Variants in RNF130 observed in about 807,000 individuals in gnomAD.
RNF130 encodes ring finger protein 130, also known as E3 ubiquitin-protein ligase RNF130.
RNF130 carries 21 observed loss-of-function variants against 44.6 expected under a neutral mutation model. The ratio of observed to expected loss-of-function variants is 0.47; its 90% CI spans 0.33 to 0.68. RNF130 has a LOEUF of 0.68. Among genes scored for constraint, RNF130 ranks in the 30% least tolerant of loss-of-function variants. The pLI is 0.02. For missense variants in RNF130, 479 were observed against 560.6 expected, an observed-to-expected ratio of 0.85 and a Z score of 1.47; for synonymous variants, 214 against 210.4, an observed-to-expected ratio of 1.02 and a Z score of -0.15.
At chr5:179,952,936 C>T (rs1461697217), downstream of RNF130, among the ~76,000 whole-genome samples, 1 of 152,122 alleles carries the variant, frequency 6.6e-6, no homozygotes, top group African/African-American at 2.4e-5. Flanking sequence ...CACAACAACA[C>T]ATGGATGTCT....
intron 1 of RNF130, among the ~76,000 whole-genome samples, chr5:180,055,455 T>TGC (rs1554107248): frequency 0.02 from 2,883 of 146,748 alleles, 42 homozygotes; most frequent in African/African-American, 0.047. Context: ...TGTGTGTGCG[T>TGC]GTGTGTGTGT....
intron 7 of RNF130, among the ~76,000 whole-genome samples, chr5:179,950,037 A>T (rs1356659264): frequency 1.3e-5 from 2 of 152,212 alleles, no homozygotes; most frequent in African/African-American, 2.4e-5. Flanking sequence ...TCTGTGCTTG[A>T]GCAAACTCTA....
downstream of RNF130, among the ~76,000 whole-genome samples, chr5:179,954,351 T>A (rs192837070): frequency 6.6e-6 from 1 of 152,284 alleles, no homozygotes; most frequent in African/African-American, 2.4e-5. Flanking sequence ...CAAGCGTCCA[T>A]CAGCAGAACA....
chr5:180,030,779 G>C lies in RNF130; in HGVS notation c.442+9674C>G, dbSNP rs1026265808. Among the ~76,000 whole-genome samples, 4 of 152,278 alleles carry C rather than the reference G, an allele frequency of 2.6e-5. No individual in the cohort carries two copies. In the East Asian group the frequency reaches 7.7e-4, roughly 29 times the overall value. ...ACTTTCTTAGACATTTCATATAAAT[G>C]GAATCATATAATAGTAGCCTTTTGT... On this transcript the variant is annotated intron_variant, in intron 2 of 8. Transcript: ENST00000521389.
chr5:179,975,864 T>A (rs1762706498), intron 5 of RNF130, among the ~76,000 whole-genome samples: 1 of 152,180 alleles, frequency 6.6e-6, no homozygotes, highest in African/African-American at 2.4e-5. Context: ...CAGAAATGGT[T>A]CAGATCAACC....
intron 3 of RNF130, among the ~76,000 whole-genome samples, chr5:179,982,366 G>C (rs774293204): frequency 6.6e-5 from 10 of 151,780 alleles, no homozygotes; most frequent in Non-Finnish European, 1.3e-4. Context: ...TCAATTCTTT[G>C]CATGGACATA....
At chr5:180,021,105 T>A (rs1373065470) in intron 2 of RNF130, among the ~76,000 whole-genome samples, 2 of 151,958 alleles carry the variant, frequency 1.3e-5, no homozygotes, top group Admixed American at 1.3e-4. Context: ...AGCTGCAATG[T>A]CAGACACGTA....
rs1357325814 is a variant in RNF130 at position 180,055,258 on chromosome 5, AAAAAAAAAAAAAAAAAAAAAAAC to A, written c.248-14634_248-14612del. ...AGTGAGGTTCTGTCTCAAAAAAAAA[AAAAAAAAAAAAAAAAAAAAAAAC>A]AAAAAAAAACAGCAAACAAACAAAA... On this transcript the variant is annotated intron_variant, in intron 1 of 8. Transcript: ENST00000521389. Among the ~76,000 whole-genome samples the A allele has an allele frequency of 3.1e-3, 104 of 33,926 alleles. 2 individuals are homozygous for A. The highest frequency in any genetic ancestry group is 0.01 in the African/African-American group (91 of 8,930). 22.3% of individuals were successfully genotyped at this position (33,926 alleles called of 152,430 possible).
chr5:179,992,324 GTA>G (rs1425116295), intron 3 of RNF130, among the ~76,000 whole-genome samples: 2 of 152,012 alleles, frequency 1.3e-5, no homozygotes, highest in Middle Eastern at 3.2e-3. Context: ...TGTATTTTTA[GTA>G]GAGACGGGGT....
At chr5:180,053,861 A>C (rs1764742447) in intron 1 of RNF130, among the ~76,000 whole-genome samples, 1 of 147,656 alleles carries the variant, frequency 6.8e-6, no homozygotes, top group African/African-American at 2.5e-5. Context: ...ACAGAGTCTC[A>C]CTCTGTCGCC....
At chr5:180,052,187 C>T (rs1176022313) in intron 1 of RNF130, among the ~76,000 whole-genome samples, 2 of 152,246 alleles carry the variant, frequency 1.3e-5, no homozygotes, top group African/African-American at 4.8e-5. Flanking sequence ...CTGCCTTCGA[C>T]TACCACCTGT....
At chr5:179,966,735 C>T in intron 7 of RNF130, 71 bp downstream of exon 7, 2 of 1,404,220 alleles carry the variant, frequency 1.4e-6, no homozygotes, top group Middle Eastern at 3.6e-4. Flanking sequence ...AGTGCCTTGA[C>T]TCTCCTGATG....
At chr5:180,054,099 C>G (rs1212384649) in intron 1 of RNF130, among the ~76,000 whole-genome samples, 1 of 152,094 alleles carries the variant, frequency 6.6e-6, no homozygotes, top group Admixed American at 6.6e-5. Context: ...CAGGTGTGAG[C>G]CCCTGCGCCC....
At chr5:179,984,760 T>C (rs999979698) in intron 3 of RNF130, among the ~76,000 whole-genome samples, 1 of 152,192 alleles carries the variant, frequency 6.6e-6, no homozygotes, top group East Asian at 1.9e-4. Flanking sequence ...TACAATGAAA[T>C]TGGAGGTATT....
intron 3 of RNF130, among the ~76,000 whole-genome samples, chr5:179,983,786 C>A (rs1328531264): frequency 4.6e-5 from 7 of 152,186 alleles, no homozygotes; most frequent in Non-Finnish European, 1.0e-4. Flanking sequence ...TGTGTCTCTC[C>A]ACCTACTTAG....
chr5:179,981,270 G>A (rs1030505544), intron 3 of RNF130, among the ~76,000 whole-genome samples: 1 of 152,154 alleles, frequency 6.6e-6, no homozygotes, highest in Non-Finnish European at 1.5e-5. Flanking sequence ...CTGGGACAAG[G>A]GGCAAAAACC....
At chr5:180,070,738 C>T (rs1356522188) in intron 1 of RNF130, among the ~76,000 whole-genome samples, 1 of 152,190 alleles carries the variant, frequency 6.6e-6, no homozygotes, top group South Asian at 2.1e-4. Context: ...AAATAATCAA[C>T]TAAACAAAGT....
intron 1 of RNF130, among the ~76,000 whole-genome samples, chr5:180,043,075 T>C (rs2113144537): frequency 6.6e-6 from 1 of 152,290 alleles, no homozygotes; most frequent in Admixed American, 6.5e-5. Flanking sequence ...CCCAACACTT[T>C]GGGAGGCCAA....
intron 3 of RNF130, among the ~76,000 whole-genome samples, chr5:179,997,071 G>T (rs1295892777): frequency 6.6e-6 from 1 of 152,104 alleles, no homozygotes; most frequent in African/African-American, 2.4e-5. Flanking sequence ...AAATTTACTA[G>T]TGGTTGTCAA....
Sources: gnomAD v4.1 joint callset for allele counts (sites outside exome capture counted in the v4.1 genomes callset) on GRCh38, gnomAD v4.1.1 for gene constraint, MANE v1.5 for transcripts, NCBI Gene and HGNC (gene_info 2026-07-23, HGNC 2026-07-21) for gene names.